The following TBC1D8 variants were observed in gnomAD, a reference collection of about 807,000 sequenced individuals.
The protein encoded by TBC1D8 is TBC1 domain family member 8, also known as BUB2-like protein 1.
A neutral mutation model predicts 118.8 loss-of-function variants in TBC1D8; 65 were observed. The observed-to-expected ratio is 0.55, with a 90% confidence interval of 0.45 to 0.67. TBC1D8 has a LOEUF of 0.67. Ranked by LOEUF, TBC1D8 falls within the 30% of genes least tolerant of loss-of-function variation. The pLI is 0.00. For missense variants in TBC1D8, 1,376 were observed against 1,471.2 expected, an observed-to-expected ratio of 0.94 and a Z score of 1.06; for synonymous variants, 566 against 595.8, an observed-to-expected ratio of 0.95 and a Z score of 0.73.
intron 1 of TBC1D8, among the ~76,000 whole-genome samples, chr2:101,147,795 C>A (rs1399234826): frequency 2.0e-5 from 3 of 152,130 alleles, no homozygotes; most frequent in African/African-American, 7.2e-5. Flanking sequence ...GTTGTGTGTT[C>A]TTTCTCTGCA....
chr2:101,056,216 T>A (rs558312171), intron 3 of TBC1D8, among the ~76,000 whole-genome samples: 1,726 of 58,248 alleles, frequency 0.03, 48 homozygotes, highest in African/African-American at 0.07. Context: ...TATTTTTTTT[T>A]TTTTTTTGAG....
intron 8 of TBC1D8, among the ~76,000 whole-genome samples, 165 bp from the exon 9 acceptor site, chr2:101,036,333 A>T (rs924438326): frequency 6.6e-6 from 1 of 152,146 alleles, no homozygotes; most frequent in South Asian, 2.1e-4. Context: ...CTGAACCTTT[A>T]CTGGGGGCAC....
At chr2:101,132,808 CA>C (rs1678652231) in intron 1 of TBC1D8, among the ~76,000 whole-genome samples, 1 of 151,788 alleles carries the variant, frequency 6.6e-6, no homozygotes, top group African/African-American at 2.4e-5. Context: ...CTATGTTGCC[CA>C]GGCTGGTCTT....
chr2:101,069,777 T>C (rs1286901531), intron 2 of TBC1D8, among the ~76,000 whole-genome samples: 2 of 152,152 alleles, frequency 1.3e-5, no homozygotes, highest in African/African-American at 2.4e-5. Flanking sequence ...TTGAACCAAA[T>C]TTTATGGGAT....
intron 9 of TBC1D8, among the ~76,000 whole-genome samples, chr2:101,034,386 C>T (rs543922058): frequency 4.9e-4 from 75 of 152,300 alleles, no homozygotes; most frequent in Middle Eastern, 3.4e-3. Context: ...AGCACTGATG[C>T]GTGAGGCACA....
At chr2:101,062,227 T>C (rs1248183353) in intron 2 of TBC1D8, among the ~76,000 whole-genome samples, 2 of 152,214 alleles carry the variant, frequency 1.3e-5, no homozygotes, top group East Asian at 3.9e-4. Flanking sequence ...CTGCTTTTCC[T>C]GGGTACTTTA....
chr2:101,151,141 C>G lies in TBC1D8; in HGVS notation c.113G>C (p.Gly38Ala). Residue 38 changes from glycine (G) to alanine (A), a missense_variant, in exon 1 of 20, where the codon GGC (glycine) becomes GCC (alanine). By Grantham distance (60) the Gly-to-Ala change is moderately conservative. Transcript: ENST00000409318. Reference protein sequence around the residue: ...LQRRRGHGEGGGRLTGRLVGA... With the variant: ...LQRRRGHGEGAGRLTGRLVGA... Reference sequence around the variant, plus strand: ...GAGCCCCTTACCGGTGAGGCGGCCGCCCCCCTCGCCGTGCCCGCGGCGCCG... The same window carrying G: ...GAGCCCCTTACCGGTGAGGCGGCCGGCCCCCTCGCCGTGCCCGCGGCGCCG... The G allele has an allele frequency of 8.5e-7, 1 of 1,180,266 alleles. No homozygotes were observed. Among genetic ancestry groups the G allele is most frequent in the Non-Finnish European group, 1.1e-6 (1 of 931,906 alleles). The allele number at this position is 1,180,266 out of a possible 1,614,324, so 73.1% of individuals were successfully genotyped here. A position where few individuals can be genotyped will look rare whatever the true frequency, so the allele number is the denominator to read the frequency against.
intron 1 of TBC1D8, among the ~76,000 whole-genome samples, chr2:101,139,129 CAACATTCCTCCGG>C (rs1236371825): frequency 6.6e-6 from 1 of 151,794 alleles, no homozygotes; most frequent in Non-Finnish European, 1.5e-5. Flanking sequence ...ATTTCTAAAA[CAACATTCCTCCGG>C]AACTGGCTCC....
At chr2:101,009,980 T>C (rs1373330872) in intron 19 of TBC1D8, among the ~76,000 whole-genome samples, 5 of 151,452 alleles carry the variant, frequency 3.3e-5, no homozygotes, top group South Asian at 2.1e-4. Context: ...CGCCACCACG[T>C]CCAGCTAATT....
At chr2:101,131,285 G>A (rs1051388867) in intron 1 of TBC1D8, among the ~76,000 whole-genome samples, 5 of 152,116 alleles carry the variant, frequency 3.3e-5, no homozygotes, top group African/African-American at 1.2e-4. Flanking sequence ...GGCAAAGGCG[G>A]GTGGATCACC....
chr2:101,104,693 C>A (rs1351801901), intron 1 of TBC1D8, among the ~76,000 whole-genome samples: 1 of 152,160 alleles, frequency 6.6e-6, no homozygotes, highest in Non-Finnish European at 1.5e-5. Context: ...GGCTCATAAA[C>A]CTACGTGTAA....
At position 101,116,186 on chromosome 2, in the gene TBC1D8, T is replaced by C. The variant is rs563679410; in HGVS notation, c.128-25822A>G. Among the ~76,000 whole-genome samples, 6 of 152,312 alleles carry C rather than the reference T, an allele frequency of 3.9e-5. No homozygotes were observed. The South Asian group carries it at 8.3e-4, about 21-fold the overall frequency. ...TGGGTGAGGAGGCAGGGAAGTACTA[T>C]CTTAGTATTTGACTGGTTGCCCACA... is the stretch of plus-strand genomic sequence containing the variant. On this transcript the variant is annotated intron_variant, in intron 1 of 19. Coordinates refer to ENST00000409318, the MANE Select transcript of TBC1D8 (RefSeq NM_001330348.2).
At chr2:101,046,151 T>C (rs1681688556) in intron 5 of TBC1D8, among the ~76,000 whole-genome samples, 1 of 152,222 alleles carries the variant, frequency 6.6e-6, no homozygotes, top group Non-Finnish European at 1.5e-5. Context: ...TCAGAATACC[T>C]TTCTTCTGTG....
At chr2:101,129,832 G>A (rs1678511176) in intron 1 of TBC1D8, among the ~76,000 whole-genome samples, 1 of 151,758 alleles carries the variant, frequency 6.6e-6, no homozygotes, top group African/African-American at 2.4e-5. Context: ...GTGAACCCAG[G>A]AGGCGGAGCT....
chr2:101,079,735 G>C (rs1675132361), intron 2 of TBC1D8, among the ~76,000 whole-genome samples: 1 of 143,350 alleles, frequency 7.0e-6, no homozygotes, highest in Non-Finnish European at 1.5e-5. Context: ...GCCCAGGCTG[G>C]AGTGCAGTGG....
At position 101,007,404 on chromosome 2, in the gene TBC1D8, T is replaced by G. The variant is rs1678804672; in HGVS notation, c.*417A>C. ...AAGCCAAATACAATTGCACAGATAGTGGACTCCCTTAGATCTTGAAAGTGA... is the reference window on the plus strand; with the variant it reads ...AAGCCAAATACAATTGCACAGATAGGGGACTCCCTTAGATCTTGAAAGTGA... On this transcript the variant is annotated 3_prime_UTR_variant, in exon 20 of 20. Transcript: ENST00000409318. 1.2e-5 allele frequency: 2 copies of G among 172,074 alleles called. No homozygotes were observed. Among genetic ancestry groups the G allele is most frequent in the Non-Finnish European group, 2.5e-5 (2 of 81,220 alleles). 10.7% of individuals were successfully genotyped at this position (172,074 alleles called of 1,614,324 possible).
intron 2 of TBC1D8, among the ~76,000 whole-genome samples, chr2:101,084,967 G>A (rs188044932): frequency 7.3e-5 from 11 of 150,800 alleles, no homozygotes; most frequent in African/African-American, 2.7e-4. Flanking sequence ...TCCTGCCTCA[G>A]CCACCTGAGC....
chr2:101,051,027 T>C (rs1682038569), intron 4 of TBC1D8, among the ~76,000 whole-genome samples: 1 of 152,218 alleles, frequency 6.6e-6, no homozygotes, highest in South Asian at 2.1e-4. Context: ...TTTTCTTGCG[T>C]GTTAATTTGC....
At chr2:101,138,868 A>T (rs1485378295) in intron 1 of TBC1D8, among the ~76,000 whole-genome samples, 2 of 152,118 alleles carry the variant, frequency 1.3e-5, no homozygotes, top group African/African-American at 4.8e-5. Context: ...CAGAGAATGG[A>T]GGTGGGGCTG....
Sources: allele counts gnomAD v4.1 joint callset (sites outside exome capture counted in the v4.1 genomes callset), GRCh38; gene constraint gnomAD v4.1.1; transcripts MANE v1.5; gene names NCBI Gene and HGNC (gene_info 2026-07-23, HGNC 2026-07-21).